Variants in BAALC observed in about 807,000 individuals in gnomAD.
BAALC encodes brain and acute leukemia cytoplasmic protein.
Under a neutral mutation model 15.5 loss-of-function variants are expected in BAALC, and 9 were observed. The observed-to-expected ratio is 0.58, with a 90% confidence interval of 0.35 to 1.02. The LOEUF is 1.02. Ranked by LOEUF, BAALC falls within the 50% of genes least tolerant of loss-of-function variation. The probability of loss-of-function intolerance (pLI) is 0.02; values close to 1 mark genes in which losing one functional copy is unlikely to be tolerated. For missense variants in BAALC, 201 were observed against 192.4 expected (o/e 1.04, Z -0.27); for synonymous variants, 80 against 74.6 (o/e 1.07, Z -0.37).
intron 1 of BAALC, among the ~76,000 whole-genome samples, chr8:103,202,611 G>C (rs927801446): frequency 6.6e-6 from 1 of 152,234 alleles, no homozygotes; most frequent in African/African-American, 2.4e-5. Flanking sequence ...AAAGAGAAGA[G>C]CATAAGAGAA....
intron 1 of BAALC, among the ~76,000 whole-genome samples, chr8:103,176,497 A>C (rs771954966): frequency 3.3e-5 from 5 of 152,062 alleles, no homozygotes; most frequent in Non-Finnish European, 5.9e-5. Context: ...AGAGGGATAG[A>C]TATATAAGGA....
intron 2 of BAALC, among the ~76,000 whole-genome samples, chr8:103,226,372 T>C (rs948052500): frequency 6.6e-6 from 1 of 152,250 alleles, no homozygotes; most frequent in Non-Finnish European, 1.5e-5. Context: ...TTGGCCCATC[T>C]TGGGAAGGGC....
intron 2 of BAALC, among the ~76,000 whole-genome samples, chr8:103,216,905 T>C (rs1210911802): frequency 1.3e-5 from 2 of 152,222 alleles, no homozygotes; most frequent in Non-Finnish European, 2.9e-5. Context: ...CAGATGGGAA[T>C]TGAGACTCAG....
intron 1 of BAALC, among the ~76,000 whole-genome samples, chr8:103,148,722 C>T (rs1043772102): frequency 1.3e-5 from 2 of 152,076 alleles, no homozygotes; most frequent in South Asian, 2.1e-4. Context: ...AGCAGGTTTC[C>T]GTTGTTTAAG....
intron 1 of BAALC, among the ~76,000 whole-genome samples, chr8:103,145,767 CT>C (rs1339396189): frequency 6.6e-6 from 1 of 152,214 alleles, no homozygotes; most frequent in Admixed American, 6.5e-5. Context: ...GGTACAGTGA[CT>C]AGAACGTAGG....
chr8:103,167,823 C>A (rs929850419), intron 1 of BAALC, among the ~76,000 whole-genome samples: 1 of 152,140 alleles, frequency 6.6e-6, no homozygotes, highest in African/African-American at 2.4e-5. Context: ...CAATGAGAAG[C>A]CTTGGATGGG....
intron 1 of BAALC, among the ~76,000 whole-genome samples, chr8:103,201,219 A>C (rs1234469927): frequency 6.6e-6 from 1 of 152,146 alleles, no homozygotes; most frequent in Non-Finnish European, 1.5e-5. Context: ...AAAGGAGGCC[A>C]TGATGGGCAG....
At chr8:103,141,825 G>A (rs1810785109) in intron 1 of BAALC, among the ~76,000 whole-genome samples, 1 of 152,222 alleles carries the variant, frequency 6.6e-6, no homozygotes, top group African/African-American at 2.4e-5. Context: ...GCAGAAATCT[G>A]ATAAAAGGAG....
chr8:103,193,752 A>G (rs908515894), intron 1 of BAALC, among the ~76,000 whole-genome samples: 2 of 152,172 alleles, frequency 1.3e-5, no homozygotes, highest in African/African-American at 2.4e-5. Flanking sequence ...CATGGTCAAT[A>G]TTATTATTTA....
At chr8:103,222,593 T>C (rs530329788) in intron 2 of BAALC, among the ~76,000 whole-genome samples, 2 of 152,360 alleles carry the variant, frequency 1.3e-5, no homozygotes, top group Middle Eastern at 3.4e-3. Flanking sequence ...CGACTGCTTT[T>C]GGTTGGGTAC....
At chr8:103,172,676 T>C (rs1811523124) in intron 1 of BAALC, among the ~76,000 whole-genome samples, 1 of 152,176 alleles carries the variant, frequency 6.6e-6, no homozygotes, top group South Asian at 2.1e-4. Flanking sequence ...ATTACAGACA[T>C]GAGCCACCAT....
At position 103,212,901 on chromosome 8, in the gene BAALC, T is replaced by C; in HGVS notation, c.161-18T>C. On this transcript the variant is annotated intron_variant, in intron 1 of 2. Coordinates refer to ENST00000309982, the MANE Select transcript of BAALC (RefSeq NM_024812.3). ...CATGTGCAAGCTTCTGGTTCCATCC[T>C]CTGCTTACCTCCCCCAGGCATGCTG... 6.2e-7 allele frequency: 1 copy of C among 1,605,396 alleles called. No homozygotes were observed. The highest frequency in any genetic ancestry group is 8.5e-7 in the Non-Finnish European group (1 of 1,174,200).
chr8:103,163,326 C>T (rs1563639177), intron 1 of BAALC, among the ~76,000 whole-genome samples: 3 of 152,112 alleles, frequency 2.0e-5, no homozygotes, highest in Non-Finnish European at 4.4e-5. Context: ...CTGCTGCTGA[C>T]GTTATCCTCC....
At chr8:103,216,991 TA>T (rs1812571674) in intron 2 of BAALC, among the ~76,000 whole-genome samples, 1 of 152,136 alleles carries the variant, frequency 6.6e-6, no homozygotes, top group African/African-American at 2.4e-5. Flanking sequence ...CATGGGGCTT[TA>T]AAATGGGGCG....
At chr8:103,163,242 T>A (rs370572195) in intron 1 of BAALC, among the ~76,000 whole-genome samples, 3 of 152,128 alleles carry the variant, frequency 2.0e-5, no homozygotes, top group Admixed American at 2.0e-4. Context: ...ATTTGTCCCA[T>A]GCTCTACCCA....
intron 1 of BAALC, among the ~76,000 whole-genome samples, chr8:103,154,186 C>T (rs771136961): frequency 1.3e-5 from 2 of 152,094 alleles, no homozygotes; most frequent in African/African-American, 4.8e-5. Flanking sequence ...ATGTGCCGGG[C>T]TTTGCAGATT....
chr8:103,203,447 A>G (rs1480739565), intron 1 of BAALC, among the ~76,000 whole-genome samples: 1 of 152,190 alleles, frequency 6.6e-6, no homozygotes, highest in Non-Finnish European at 1.5e-5. Flanking sequence ...TAATTCACAT[A>G]CCATACAATT....
At chr8:103,166,222 T>C (rs1426486026) in intron 1 of BAALC, 1 of 152,786 alleles carries the variant, frequency 6.5e-6, no homozygotes, top group Admixed American at 6.5e-5. Context: ...CTTAGAGTCA[T>C]TCACTTCTGT....
At chr8:103,141,205 C>A in intron 1 of BAALC, 148 bp downstream of exon 1, 1 of 918,010 alleles carries the variant, frequency 1.1e-6, no homozygotes, top group Non-Finnish European at 1.5e-6. Context: ...GCCCACTGAT[C>A]AGTGGACAGA....
Sources: allele counts gnomAD v4.1 joint callset (sites outside exome capture counted in the v4.1 genomes callset), GRCh38; gene constraint gnomAD v4.1.1; transcripts MANE v1.5; gene names NCBI Gene and HGNC (gene_info 2026-07-23, HGNC 2026-07-21).